The following ATP8B1 variants were observed in gnomAD, a reference collection of about 807,000 sequenced individuals.
The protein encoded by ATP8B1 is phospholipid-transporting ATPase IC.
Under a neutral mutation model 149.9 loss-of-function variants are expected in ATP8B1, and 80 were observed. That is an observed-to-expected ratio of 0.53 (90% confidence interval 0.45 to 0.64). ATP8B1 has a LOEUF of 0.64. Among genes scored for constraint, ATP8B1 ranks in the 30% least tolerant of loss-of-function variants. The pLI, the probability that ATP8B1 is intolerant of heterozygous loss-of-function variation, is 0.00. For synonymous variants in ATP8B1, 536 were observed against 562.8 expected (o/e 0.95, Z 0.67); for missense variants, 1,247 against 1,552.6 (o/e 0.80, Z 3.31).
chr18:57,726,128 T>C (rs1490963104), intron 2 of ATP8B1, among the ~76,000 whole-genome samples: 1 of 152,184 alleles, frequency 6.6e-6, no homozygotes, highest in Non-Finnish European at 1.5e-5. Context: ...CTCGGGAGGC[T>C]GAGGCAAGGG....
chr18:57,650,345 G>A (rs1909519835), intron 27 of ATP8B1, 22 bp downstream of exon 27: 1 of 1,610,004 alleles, frequency 6.2e-7, no homozygotes, highest in Non-Finnish European at 8.5e-7. Context: ...ACAGAGTTGG[G>A]AAAGGACTAT....
At chr18:57,673,350 A>G (rs1282602016) in intron 16 of ATP8B1, among the ~76,000 whole-genome samples, 1 of 152,024 alleles carries the variant, frequency 6.6e-6, no homozygotes, top group Non-Finnish European at 1.5e-5. Context: ...AAAATCTGAT[A>G]AAGTCTATTG....
At chr18:57,768,087 G>A (rs1005009282) in intron 1 of ATP8B1, among the ~76,000 whole-genome samples, 1 of 152,046 alleles carries the variant, frequency 6.6e-6, no homozygotes, top group Non-Finnish European at 1.5e-5. Flanking sequence ...CTTTTATAAT[G>A]AGATATAAGG....
intron 2 of ATP8B1, among the ~76,000 whole-genome samples, chr18:57,725,779 G>C (rs887423931): frequency 3.5e-4 from 53 of 152,200 alleles, no homozygotes; most frequent in Non-Finnish European, 5.1e-4. Flanking sequence ...ATACATTGGG[G>C]AAAGGCAGTC....
rs550590618 is a variant in ATP8B1, at chr18:57,701,749, G to A, written c.394-436C>T. On this transcript the variant is annotated intron_variant, in intron 4 of 27. Coordinates refer to ENST00000648908, the MANE Select transcript of ATP8B1 (RefSeq NM_001374385.1). ...CTCCCTCTGTCACCCAGGCTGGAGT[G>A]CAGTGGCACAATTTTGGCTCAATGC... Among the ~76,000 whole-genome samples the A allele has an allele frequency of 6.7e-5, 10 of 150,330 alleles. No homozygotes were observed. In the South Asian group the frequency reaches 1.9e-3, roughly 29 times the overall value.
chr18:57,689,511 TA>T (rs1441635057), intron 12 of ATP8B1, among the ~76,000 whole-genome samples: 2 of 152,176 alleles, frequency 1.3e-5, no homozygotes, highest in Non-Finnish European at 2.9e-5. Context: ...CTTAACAAGT[TA>T]AACAGATGGA....
intron 2 of ATP8B1, among the ~76,000 whole-genome samples, chr18:57,707,430 T>C (rs1913463083): frequency 6.6e-6 from 1 of 152,002 alleles, no homozygotes; most frequent in Non-Finnish European, 1.5e-5. Flanking sequence ...TGTTGATGAA[T>C]CCCCACCAAA....
intron 4 of ATP8B1, among the ~76,000 whole-genome samples, chr18:57,701,531 G>T (rs1298603032): frequency 3.3e-5 from 5 of 152,144 alleles, no homozygotes; most frequent in African/African-American, 1.2e-4. Context: ...GAGCCTAGAG[G>T]GCAGTGGCTC....
intron 17 of ATP8B1, among the ~76,000 whole-genome samples, chr18:57,670,650 GA>G (rs1445282408): frequency 6.6e-6 from 1 of 151,516 alleles, no homozygotes; most frequent in East Asian, 2.0e-4. Context: ...CACCCAGCCT[GA>G]TTTAAACATT....
At position 57,802,376 on chromosome 18, in the gene ATP8B1, T is replaced by C. The variant is rs1312592393; in HGVS notation, c.-26+622A>G. On this transcript the variant is annotated intron_variant, in intron 1 of 27. Coordinates refer to ENST00000648908, the MANE Select transcript of ATP8B1 (RefSeq NM_001374385.1). The surrounding 1 kb of genome is among the most constrained non-coding windows in gnomAD (Gnocchi z 4.9). ...GTCACCGGAAAAACAGTGGTGTCGG[T>C]CTTCCCCATCACCTCCCCTCCCCAT... is the stretch of plus-strand genomic sequence containing the variant. 1.3e-5 allele frequency among the ~76,000 whole-genome samples: 2 copies of C among 152,028 alleles called. No individual in the cohort carries two copies. The highest frequency in any genetic ancestry group is 2.9e-5 in the Non-Finnish European group (2 of 68,002).
intron 1 of ATP8B1, chr18:57,737,053 A>G (rs1165100655): frequency 1.3e-5 from 2 of 152,152 alleles, no homozygotes; most frequent in Non-Finnish European, 2.9e-5. Context: ...GGCTCAAGCA[A>G]TTCTCCCACC....
chr18:57,753,962 G>GAAAA (rs33970531), intron 1 of ATP8B1, among the ~76,000 whole-genome samples: 1 of 122,238 alleles, frequency 8.2e-6, no homozygotes, highest in African/African-American at 3.2e-5. Flanking sequence ...AGAAAGAAAA[G>GAAAA]AAAAAAAAAA....
chr18:57,651,006 A>C (rs1183245651), intron 26 of ATP8B1, among the ~76,000 whole-genome samples: 2 of 152,208 alleles, frequency 1.3e-5, no homozygotes, highest in African/African-American at 4.8e-5. Context: ...TGGGAAGGTA[A>C]ATTATTTGAA....
intron 1 of ATP8B1, among the ~76,000 whole-genome samples, chr18:57,754,823 G>C (rs2080062406): frequency 6.6e-6 from 1 of 152,162 alleles, no homozygotes; most frequent in Non-Finnish European, 1.5e-5. Flanking sequence ...CTAGTAGTGA[G>C]AGAGATATTA....
In ATP8B1 at chr18:57,694,636, T is replaced by G; in HGVS notation, c.975A>C (p.Lys325Asn). 6.3e-7 allele frequency: 1 copy of G among 1,594,840 alleles called. No homozygotes were observed. The change falls in exon 11 of 28, where the codon AAA becomes AAC. Residue 325 changes from lysine to asparagine, a missense_variant. Coordinates refer to ENST00000648908, the MANE Select transcript of ATP8B1 (RefSeq NM_001374385.1). ...CAATTTTAGTTCTTTTAAATCTGGT[T>G]TTCCCACTATTCTTCATTATTTTAG... ...ADTKIMKNSG[K>N]TRFKRTKIDY... is the part of the protein sequence containing the mutation.
Position 57,701,014 on chromosome 18 carries a change from C to T in ATP8B1, c.554+25G>A, listed in dbSNP as rs773464463. On this transcript the variant is annotated intron_variant, in intron 6 of 27. Transcript: ENST00000648908. ...AGAGTTATGCATTACATCCTTGAAACTCAGTTACTAATTAGACACAGTACC... is the reference window on the plus strand; with the variant it reads ...AGAGTTATGCATTACATCCTTGAAATTCAGTTACTAATTAGACACAGTACC... 5 of 1,599,328 alleles carry T rather than the reference C, an allele frequency of 3.1e-6. No individual in the cohort carries two copies. In the South Asian group the frequency reaches 5.5e-5, roughly 18 times the overall value.
At position 57,701,290 on chromosome 18, in the gene ATP8B1, C is replaced by T; in HGVS notation, c.417G>A (p.Leu139=). 2 of 1,614,184 alleles carry T rather than the reference C, an allele frequency of 1.2e-6. No homozygotes were observed. Among genetic ancestry groups the T allele is most frequent in the Non-Finnish European group, 1.7e-6 (2 of 1,180,038 alleles). ...ILQAVPQIST[L]AWYTTLVPLL... Reference sequence around the variant, plus strand: ...GGGGCACTAGTGTGGTGTACCAAGCCAGGGTAGAGATTTGAGGAACTGCCT... The same window carrying T: ...GGGGCACTAGTGTGGTGTACCAAGCTAGGGTAGAGATTTGAGGAACTGCCT... Residue 139 remains leucine (L), a synonymous_variant, in exon 5 of 28, where the codon CTG becomes CTA. Coordinates refer to ENST00000648908, the MANE Select transcript of ATP8B1 (RefSeq NM_001374385.1).
intron 15 of ATP8B1, among the ~76,000 whole-genome samples, chr18:57,680,477 C>T (rs62092571): frequency 0.093 from 13,572 of 146,560 alleles, 691 homozygotes; most frequent in Middle Eastern, 0.15. Context: ...CCCAGCTACT[C>T]GGAGGCTGAG....
chr18:57,677,081 A>C (rs1037697363), intron 15 of ATP8B1, among the ~76,000 whole-genome samples: 18 of 152,214 alleles, frequency 1.2e-4, no homozygotes, highest in African/African-American at 4.1e-4. Context: ...AAGAGTACAT[A>C]TGCTACATGA....
Sources: gnomAD v4.1 joint callset for allele counts (sites outside exome capture counted in the v4.1 genomes callset) on GRCh38, gnomAD v4.1.1 for gene constraint, Gnocchi (gnomAD v3.1) non-coding constraint, MANE v1.5 for transcripts, NCBI Gene and HGNC (gene_info 2026-07-23, HGNC 2026-07-21) for gene names.